Variants in ANKDD1A observed in about 807,000 individuals in gnomAD.
The protein encoded by ANKDD1A is ankyrin repeat and death domain-containing protein 1A.
Under a neutral mutation model 63.5 loss-of-function variants are expected in ANKDD1A, and 59 were observed. That is an observed-to-expected ratio of 0.93 (90% confidence interval 0.75 to 1.15). The LOEUF (loss-of-function observed/expected upper bound fraction) is 1.15, where lower values mean the gene tolerates loss of function less well. Ranked by LOEUF, ANKDD1A falls within the 50% of genes most tolerant of loss-of-function variation. ANKDD1A has a pLI of 0.00. For missense variants in ANKDD1A, 632 were observed against 656.4 expected, an observed-to-expected ratio of 0.96 and a Z score of 0.41; for synonymous variants, 266 against 263.9, an observed-to-expected ratio of 1.01 and a Z score of -0.08.
At chr15:64,919,042 T>A (rs994177553) in intron 3 of ANKDD1A, among the ~76,000 whole-genome samples, 3 of 152,180 alleles carry the variant, frequency 2.0e-5, no homozygotes, top group African/African-American at 4.8e-5. Context: ...GCTTGCCTGC[T>A]GTAGTAATGG....
At chr15:64,926,711 G>C (rs111270243) in intron 5 of ANKDD1A, among the ~76,000 whole-genome samples, 190 bp from the exon 6 acceptor site, 2 of 152,190 alleles carry the variant, frequency 1.3e-5, no homozygotes, top group Non-Finnish European at 2.9e-5. Flanking sequence ...CCCAGCAAGT[G>C]TCTCTTGTTG....
At chr15:64,946,844 C>G (rs969139022) in intron 12 of ANKDD1A, among the ~76,000 whole-genome samples, 1 of 152,216 alleles carries the variant, frequency 6.6e-6, no homozygotes, top group African/African-American at 2.4e-5. Context: ...ACAACCAGAA[C>G]TCTGCATCCA....
chr15:64,953,950 CTATTGTTTCTTTTT>C (rs2085367097), intron 14 of ANKDD1A, among the ~76,000 whole-genome samples: 2 of 53,954 alleles, frequency 3.7e-5, no homozygotes, highest in Non-Finnish European at 6.6e-5. Context: ...TCCTCTTCTT[CTATTGTTTCTTTTT>C]TTCTTCTTTC....
intron 3 of ANKDD1A, among the ~76,000 whole-genome samples, chr15:64,918,457 G>A (rs2140365260): frequency 6.6e-6 from 1 of 152,150 alleles, no homozygotes; most frequent in South Asian, 2.1e-4. Context: ...TACCTGCTTA[G>A]GCCTCCTTTA....
chr15:64,949,503 A>G (rs2085251737), intron 13 of ANKDD1A, among the ~76,000 whole-genome samples: 2 of 152,220 alleles, frequency 1.3e-5, no homozygotes, highest in African/African-American at 2.4e-5. Flanking sequence ...CAATTTGTGC[A>G]TCATGGTACC....
At chr15:64,935,905 CAAT>C (rs929594240) in intron 9 of ANKDD1A, among the ~76,000 whole-genome samples, 1 of 151,978 alleles carries the variant, frequency 6.6e-6, no homozygotes, top group Non-Finnish European at 1.5e-5. Flanking sequence ...GGCAAGTTGA[CAAT>C]AACTATCAAG....
chr15:64,931,543 G>T lies in ANKDD1A; in HGVS notation c.726G>T (p.Gln242His), dbSNP rs758305337. The stretch of plus-strand genomic sequence containing the variant: ...GAGGATCCCACCCTGACTGTGTGCA[G>T]CTCCTCCTCAGGGCTGGGAGCACCG... ...AAGGSHPDCV[Q>H]LLLRAGSTVN... is the part of the protein sequence containing the mutation. Residue 242 changes from glutamine to histidine, a missense_variant, in exon 8 of 15, where the codon CAG becomes CAT. Transcript: ENST00000319580. 1.2e-6 allele frequency: 2 copies of T among 1,613,970 alleles called. No homozygotes were observed. The highest frequency in any genetic ancestry group is 2.7e-5 in the African/African-American group (2 of 74,934).
chr15:64,915,262 G>A lies in ANKDD1A; in HGVS notation c.35-535G>A, dbSNP rs146961986. 8.3e-4 allele frequency among the ~76,000 whole-genome samples: 127 copies of A among 152,288 alleles called. 1 individual carries two copies. Among genetic ancestry groups the A allele is most frequent in the East Asian group, 6.4e-3 (33 of 5,182 alleles). On this transcript the variant is annotated intron_variant, in intron 1 of 14. Coordinates refer to ENST00000319580, the MANE Select transcript of ANKDD1A (RefSeq NM_182703.6). Reference sequence around the variant, plus strand: ...AGAGGTTGCAGTGAGACAAGATCACGCCACTGCACTCCAGCCTGGGCAACA... The same window carrying A: ...AGAGGTTGCAGTGAGACAAGATCACACCACTGCACTCCAGCCTGGGCAACA...
chr15:64,938,540 G>C (rs1230747458), intron 9 of ANKDD1A, among the ~76,000 whole-genome samples: 1 of 152,186 alleles, frequency 6.6e-6, no homozygotes. Context: ...AAATGTCAAG[G>C]TCATGAAAAA....
At chr15:64,947,701 C>G (rs578227034) in intron 13 of ANKDD1A, 108 bp downstream of exon 13, 229 of 1,355,286 alleles carry the variant, frequency 1.7e-4, no homozygotes, top group Non-Finnish European at 2.2e-4. Flanking sequence ...GTGCAACCCA[C>G]AGCCTGGTCC....
intron 4 of ANKDD1A, among the ~76,000 whole-genome samples, chr15:64,923,305 G>A (rs1281058661): frequency 1.3e-5 from 2 of 152,138 alleles, no homozygotes; most frequent in African/African-American, 2.4e-5. Flanking sequence ...TTCCCCAAGA[G>A]CTTCCAGAAG....
intron 12 of ANKDD1A, among the ~76,000 whole-genome samples, chr15:64,945,669 G>A (rs1307931896): frequency 1.4e-5 from 1 of 72,880 alleles, no homozygotes; most frequent in African/African-American, 6.4e-5. Context: ...GTCTCACTCT[G>A]TCACCCAGGC....
chr15:64,927,895 G>A (rs372372636), intron 6 of ANKDD1A, among the ~76,000 whole-genome samples: 4 of 152,226 alleles, frequency 2.6e-5, no homozygotes, highest in East Asian at 3.9e-4. Context: ...GTAAGCCATC[G>A]CGCCCGGCCT....
At chr15:64,940,581 C>G (rs1263191490) in intron 9 of ANKDD1A, among the ~76,000 whole-genome samples, 2 of 146,268 alleles carry the variant, frequency 1.4e-5, no homozygotes, top group Non-Finnish European at 3.0e-5. Context: ...TACAGGCACC[C>G]GCCACCAAGC....
chr15:64,941,546 A>G (rs185498749), intron 9 of ANKDD1A, among the ~76,000 whole-genome samples: 31 of 152,324 alleles, frequency 2.0e-4, no homozygotes, highest in Non-Finnish European at 3.5e-4. Context: ...CTTCTTTTCT[A>G]ATATTGATAA....
chr15:64,951,159 G>A (rs1204881792), intron 14 of ANKDD1A: 2 of 1,095,776 alleles, frequency 1.8e-6, no homozygotes, highest in Non-Finnish European at 2.2e-6. Flanking sequence ...GTCATGCAGA[G>A]CCCAGGAGGC....
At chr15:64,934,010 G>T in intron 8 of ANKDD1A, 126 bp from the exon 9 acceptor site, 1 of 696,754 alleles carries the variant, frequency 1.4e-6, no homozygotes, top group Non-Finnish European at 2.3e-6. Flanking sequence ...TCCAGCCTCA[G>T]TTAAATGGGG....
chr15:64,954,695 GTTC>G (rs1306146103), intron 14 of ANKDD1A, among the ~76,000 whole-genome samples: 4 of 112,894 alleles, frequency 3.5e-5, no homozygotes, highest in South Asian at 2.9e-4. Context: ...CCTTCTCCTT[GTTC>G]TTCTCCTTCT....
chr15:64,949,103 G>A (rs1375511028), intron 13 of ANKDD1A, among the ~76,000 whole-genome samples: 3 of 152,250 alleles, frequency 2.0e-5, no homozygotes, highest in East Asian at 1.9e-4. Context: ...TCAGAGGGGC[G>A]AATGGAGTGA....
Sources: gnomAD v4.1 joint callset for allele counts (sites outside exome capture counted in the v4.1 genomes callset) on GRCh38, gnomAD v4.1.1 for gene constraint, MANE v1.5 for transcripts, NCBI Gene and HGNC (gene_info 2026-07-23, HGNC 2026-07-21) for gene names.